The following TRMT61B variants were observed in gnomAD, a reference collection of about 807,000 sequenced individuals.
TRMT61B encodes the protein tRNA (adenine(58)-N(1))-methyltransferase, mitochondrial.
Under a neutral mutation model 52.0 loss-of-function variants are expected in TRMT61B, and 56 were observed. The ratio of observed to expected loss-of-function variants is 1.08; its 90% CI spans 0.87 to 1.35. The LOEUF is 1.35. TRMT61B is among the 40% of genes most tolerant of loss of function. The probability of loss-of-function intolerance (pLI) is 0.00; values close to 1 mark genes in which losing one functional copy is unlikely to be tolerated. For synonymous variants in TRMT61B, 206 were observed against 220.0 expected, an observed-to-expected ratio of 0.94 and a Z score of 0.56; for missense variants, 650 against 577.9, an observed-to-expected ratio of 1.12 and a Z score of -1.28.
At chr2:28,867,287 G>A (rs1669890727) in intron 1 of TRMT61B, among the ~76,000 whole-genome samples, 1 of 151,832 alleles carries the variant, frequency 6.6e-6, no homozygotes, top group Admixed American at 6.6e-5. Context: ...TAGAGACAAG[G>A]TCTCCCTATG....
chr2:28,868,701 G>C (rs938646479), intron 1 of TRMT61B, among the ~76,000 whole-genome samples: 2 of 152,236 alleles, frequency 1.3e-5, no homozygotes, highest in African/African-American at 4.8e-5. Flanking sequence ...TAATCTGCTA[G>C]CAATAGATGA....
At chr2:28,868,743 G>A (rs769224730) in intron 1 of TRMT61B, among the ~76,000 whole-genome samples, 14 of 152,216 alleles carry the variant, frequency 9.2e-5, no homozygotes, top group Non-Finnish European at 1.6e-4. Context: ...GGCTGGGCGC[G>A]GTGGCTCCCG....
intron 3 of TRMT61B, among the ~76,000 whole-genome samples, chr2:28,854,879 C>T (rs1187949369): frequency 6.6e-6 from 1 of 151,568 alleles, no homozygotes; most frequent in African/African-American, 2.4e-5. Context: ...GTGATTGTGT[C>T]ACTGCACTCC....
At position 28,850,093 on chromosome 2, in the gene TRMT61B, C is replaced by A. The variant is rs567247641; in HGVS notation, c.*106G>T. On this transcript the variant is annotated 3_prime_UTR_variant, in exon 7 of 7. Coordinates refer to ENST00000306108, the MANE Select transcript of TRMT61B (RefSeq NM_017910.4). ...AATTATATGTATAAGTTATATAAGT[C>A]ATAGTAATAGCTAAAAATGCCAATC... The A allele has an allele frequency of 9.1e-6, 11 of 1,209,796 alleles. No homozygotes were observed. Among genetic ancestry groups the A allele is most frequent in the African/African-American group, 6.2e-5 (4 of 64,860 alleles). The allele number at this position is 1,209,796 out of a possible 1,614,324, so 74.9% of individuals were successfully genotyped here. A position where few individuals can be genotyped will look rare whatever the true frequency, so the allele number is the denominator to read the frequency against.
At chr2:28,865,267 T>C (rs1669789714) in intron 1 of TRMT61B, 148 bp from the exon 2 acceptor site, 1 of 555,632 alleles carries the variant, frequency 1.8e-6, no homozygotes, top group Admixed American at 3.1e-5. Context: ...TTTCACTTGA[T>C]GAAATAAAAG....
intron 1 of TRMT61B, among the ~76,000 whole-genome samples, chr2:28,868,629 AAGG>A (rs985513984): frequency 5.9e-5 from 9 of 152,240 alleles, no homozygotes; most frequent in African/African-American, 9.6e-5. Context: ...GATCTGGAGA[AAGG>A]AGGAGGAGTT....
At position 28,870,189 on chromosome 2, in the gene TRMT61B, T is replaced by C; in HGVS notation, c.89A>G (p.Glu30Gly). Residue 30 changes from glutamate to glycine, a missense_variant, in exon 1 of 7, where the codon GAG becomes GGG. By Grantham distance (98) the Glu-to-Gly change is moderately conservative. Coordinates refer to ENST00000306108, the MANE Select transcript of TRMT61B (RefSeq NM_017910.4). The stretch of plus-strand genomic sequence containing the variant: ...CAGTGACCGAGCTCCCTCGAAGGGC[T>C]CCTGCCCCAGGCCGTGCAGGAATGA... Reference protein sequence around the residue: ...TNSFLHGLGQEPFEGARSLCC... With the variant: ...TNSFLHGLGQGPFEGARSLCC... 6.2e-7 allele frequency: 1 copy of C among 1,613,040 alleles called. No homozygotes were observed. Among genetic ancestry groups the C allele is most frequent in the Non-Finnish European group, 8.5e-7 (1 of 1,180,024 alleles).
chr2:28,860,526 T>G (rs1004822288), intron 3 of TRMT61B, among the ~76,000 whole-genome samples: 1 of 152,136 alleles, frequency 6.6e-6, no homozygotes, highest in Non-Finnish European at 1.5e-5. Flanking sequence ...CAGCTTAATG[T>G]ATCCTCTCTT....
chr2:28,869,477 C>A, intron 1 of TRMT61B, 102 bp downstream of exon 1: 1 of 793,426 alleles, frequency 1.3e-6, no homozygotes, highest in South Asian at 2.1e-5. Context: ...ATAAAAAATC[C>A]AAACGTTCTG....
rs575877010 is a variant in TRMT61B at position 28,857,691 on chromosome 2, C to G, written c.993+3427G>C. 5.3e-5 allele frequency among the ~76,000 whole-genome samples: 8 copies of G among 152,324 alleles called. No individual in the cohort carries two copies. In the East Asian group the frequency reaches 1.4e-3, roughly 26 times the overall value. On this transcript the variant is annotated intron_variant, in intron 3 of 6. Transcript: ENST00000306108. ...ATTAAGTGACTTACCCAAGGTTACACTGGCGATTATGGAGCCCGGCAGTGG... is the reference window on the plus strand; with the variant it reads ...ATTAAGTGACTTACCCAAGGTTACAGTGGCGATTATGGAGCCCGGCAGTGG...
chr2:28,850,486 C>T, intron 5 of TRMT61B, 81 bp from the exon 6 acceptor site: 1 of 927,452 alleles, frequency 1.1e-6, no homozygotes, highest in Non-Finnish European at 1.6e-6. Flanking sequence ...ATATGAGTTA[C>T]TCTCTTTATT....
chr2:28,858,602 C>T (rs1020459222), intron 3 of TRMT61B, among the ~76,000 whole-genome samples: 1 of 151,080 alleles, frequency 6.6e-6, no homozygotes, highest in Non-Finnish European at 1.5e-5. Flanking sequence ...CGAGACCAGC[C>T]TAGGCAACAT....
At position 28,869,726 on chromosome 2, in the gene TRMT61B, CCA is replaced by C. The variant is rs1229345976; in HGVS notation, c.550_551del (p.Trp184GlyfsTer23). 1 of 1,614,180 alleles carries C rather than the reference CCA, an allele frequency of 6.2e-7. No homozygotes were observed. The highest frequency in any genetic ancestry group is 8.5e-7 in the Non-Finnish European group (1 of 1,180,026). Reference protein sequence around the residue: ...LNNFGLLNSNWGAVPFGKIVG... With the variant: ...LNNFGLLNSNXGAVPFGKIVG... ...CGATCTTGCCGAACGGGACTGCCCC[CCA>C]GTTACTATTTAAGAGTCCGAAGTTG... On this transcript the variant is annotated frameshift_variant, in exon 1 of 7. Transcript: ENST00000306108. LOFTEE classifies it high-confidence loss of function.
intron 3 of TRMT61B, among the ~76,000 whole-genome samples, chr2:28,854,738 CAAAAAAAAAAAAA>C (rs57513823): frequency 2.3e-5 from 2 of 86,428 alleles, no homozygotes; most frequent in South Asian, 3.9e-4. Flanking sequence ...GACTCCGTCT[CAAAAAAAAAAAAA>C]AAAAAAAAAA....
rs1297613090 is a variant in TRMT61B, at chr2:28,869,603, T to C, written c.675A>G (p.Arg225=). The C allele has an allele frequency of 6.2e-7, 1 of 1,612,528 alleles. No homozygotes were observed. Among genetic ancestry groups the C allele is most frequent in the Non-Finnish European group, 8.5e-7 (1 of 1,178,868 alleles). ...ALEDYVVLMK[R]GTAITFPKDI... ...CCTTTGGGAATGTTATGGCAGTCCC[T>C]CTTTTCATCAATACTACATAGTCTT... The change falls in exon 1 of 7, where the codon AGA becomes AGG. Residue 225 remains arginine (R), a synonymous_variant. Transcript: ENST00000306108.
At chr2:28,858,882 A>G (rs1669469484) in intron 3 of TRMT61B, among the ~76,000 whole-genome samples, 2 of 150,192 alleles carry the variant, frequency 1.3e-5, no homozygotes, top group African/African-American at 2.4e-5. Context: ...CTATACATAC[A>G]TATTTGTTTA....
rs571029213 is a variant in TRMT61B, at chr2:28,850,476, A to G, written c.1313-71T>C. The G allele has an allele frequency of 1.3e-5, 13 of 1,021,804 alleles. No individual in the cohort carries two copies. The South Asian group carries it at 1.8e-4, about 15-fold the overall frequency. 63.3% of individuals were successfully genotyped at this position (1,021,804 alleles called of 1,614,324 possible). A position where few individuals can be genotyped will look rare whatever the true frequency, so the allele number is the denominator to read the frequency against. ...CTATTTTTTTCACAAAACTGTTAAA[A>G]TATGAGTTACTCTCTTTATTGTAAG... is the stretch of plus-strand genomic sequence containing the variant. On this transcript the variant is annotated intron_variant, in intron 5 of 6. Coordinates refer to ENST00000306108, the MANE Select transcript of TRMT61B (RefSeq NM_017910.4).
intron 1 of TRMT61B, among the ~76,000 whole-genome samples, chr2:28,866,135 A>G (rs544255891): frequency 6.7e-6 from 1 of 148,592 alleles, no homozygotes; most frequent in African/African-American, 2.5e-5. Flanking sequence ...GATTACAGGC[A>G]CCCACCACCA....
At chr2:28,869,437 C>T (rs1669987139) in intron 1 of TRMT61B, 142 bp downstream of exon 1, 1 of 608,860 alleles carries the variant, frequency 1.6e-6, no homozygotes, top group Non-Finnish European at 2.9e-6. Flanking sequence ...AAAGTTATAA[C>T]CATTGGTTTA....
Sources: allele counts gnomAD v4.1 joint callset (sites outside exome capture counted in the v4.1 genomes callset), GRCh38; gene constraint gnomAD v4.1.1; transcripts MANE v1.5; gene names NCBI Gene and HGNC (gene_info 2026-07-23, HGNC 2026-07-21).